Variants in CACNA2D3 observed in about 807,000 individuals in gnomAD.
The protein encoded by CACNA2D3 is calcium voltage-gated channel auxiliary subunit alpha2delta 3.
CACNA2D3 carries 60 observed loss-of-function variants against 160.6 expected under a neutral mutation model. The observed-to-expected ratio is 0.37, with a 90% CI of 0.30 to 0.46. The LOEUF (loss-of-function observed/expected upper bound fraction) is 0.46. CACNA2D3 is among the 20% of genes least tolerant of loss of function. The pLI is 1.00. For missense variants in CACNA2D3, 1,205 were observed against 1,365.0 expected, an observed-to-expected ratio of 0.88 and a Z score of 1.85; for synonymous variants, 558 against 492.9, an observed-to-expected ratio of 1.13 and a Z score of -1.75.
At chr3:54,392,157 G>A (rs1699293282) in intron 4 of CACNA2D3, among the ~76,000 whole-genome samples, 1 of 152,120 alleles carries the variant, frequency 6.6e-6, no homozygotes. Flanking sequence ...CCAATTCCAG[G>A]TGGAGAAGCA....
intron 4 of CACNA2D3, among the ~76,000 whole-genome samples, chr3:54,462,980 A>G (rs866630411): frequency 5.3e-5 from 8 of 150,130 alleles, no homozygotes; most frequent in Non-Finnish European, 8.9e-5. Flanking sequence ...GGTGGTGACA[A>G]AATCTCTCAG....
At chr3:54,478,679 T>TATATATATATATA (rs1559493334) in intron 4 of CACNA2D3, among the ~76,000 whole-genome samples, 4 of 47,794 alleles carry the variant, frequency 8.4e-5, no homozygotes, top group Admixed American at 2.0e-4. Context: ...TATATATATA[T>TATATATATATATA]TGCTTGTCAT....
intron 11 of CACNA2D3, among the ~76,000 whole-genome samples, chr3:54,691,314 C>T (rs1418808032): frequency 6.6e-6 from 1 of 152,210 alleles, no homozygotes; most frequent in Non-Finnish European, 1.5e-5. Context: ...CCAAGATATT[C>T]TGGTCAAATT....
intron 35 of CACNA2D3, among the ~76,000 whole-genome samples, chr3:55,020,477 A>T (rs899421247): frequency 6.7e-6 from 1 of 150,164 alleles, no homozygotes; most frequent in African/African-American, 2.4e-5. Context: ...CATACTTTAT[A>T]TGTAGTATAT....
chr3:54,159,512 G>A (rs949870541), intron 2 of CACNA2D3, among the ~76,000 whole-genome samples: 1 of 152,142 alleles, frequency 6.6e-6, no homozygotes, highest in African/African-American at 2.4e-5. Flanking sequence ...TATATCCTGT[G>A]GTAGAAGAGG....
chr3:54,615,152 A>G (rs1384515999), intron 9 of CACNA2D3, among the ~76,000 whole-genome samples: 1 of 152,222 alleles, frequency 6.6e-6, no homozygotes, highest in Non-Finnish European at 1.5e-5. Context: ...AAATGAAGAG[A>G]GATGATGAAA....
intron 31 of CACNA2D3, among the ~76,000 whole-genome samples, chr3:54,995,139 A>G (rs1164231746): frequency 2.0e-5 from 3 of 151,940 alleles, no homozygotes; most frequent in Non-Finnish European, 2.9e-5. Context: ...ATGCCCAGTT[A>G]ATTTCTGTAT....
chr3:54,464,260 A>G (rs1212883896), intron 4 of CACNA2D3, among the ~76,000 whole-genome samples: 2 of 152,188 alleles, frequency 1.3e-5, no homozygotes, highest in South Asian at 2.1e-4. Context: ...GCCCCTTCTC[A>G]TATCTCCAGC....
chr3:54,123,535 T>C lies in CACNA2D3; in HGVS notation c.145T>C (p.Phe49Leu). ...TAGGGTGAAGCTCTGGGCCTCGGCTTTTGGTGGGGAGATAAAATCCATTGC... is the reference window on the plus strand; with the variant it reads ...TAGGGTGAAGCTCTGGGCCTCGGCTCTTGGTGGGGAGATAAAATCCATTGC... Reference protein sequence around the residue: ...LSVVKLWASAFGGEIKSIAAK... With the variant: ...LSVVKLWASALGGEIKSIAAK... Residue 49 changes from phenylalanine to leucine, a missense_variant, in exon 2 of 38, where the codon TTT (phenylalanine) becomes CTT (leucine). By Grantham distance (22) the Phe-to-Leu change is conservative. This residue lies in a region of CACNA2D3 where 163 missense variants were observed against 161.3 expected (regional missense o/e 1.01). Coordinates refer to ENST00000474759, the MANE Select transcript of CACNA2D3 (RefSeq NM_018398.3). 1.9e-6 allele frequency: 3 copies of C among 1,613,804 alleles called. No homozygotes were observed. The highest frequency in any genetic ancestry group is 2.5e-6 in the Non-Finnish European group (3 of 1,179,790).
Position 54,240,723 on chromosome 3 carries a change from AGTTTT to A in CACNA2D3, c.205-79700_205-79696del, listed in dbSNP as rs563071238. Among the ~76,000 whole-genome samples, 10 of 151,782 alleles carry A rather than the reference AGTTTT, an allele frequency of 6.6e-5. No homozygotes were observed. In the South Asian group the frequency reaches 1.2e-3, roughly 19 times the overall value. ...AAAACTATCTAAAAATAAAGTTTGGAGTTTTGTTTTGTTTTGTTTTGTTGTTTTGA... is the reference window on the plus strand; with the variant it reads ...AAAACTATCTAAAAATAAAGTTTGGAGTTTTGTTTTGTTTTGTTGTTTTGA... On this transcript the variant is annotated intron_variant, in intron 2 of 37. Transcript: ENST00000474759.
At chr3:54,479,116 G>T (rs1223099900) in intron 4 of CACNA2D3, among the ~76,000 whole-genome samples, 1 of 151,950 alleles carries the variant, frequency 6.6e-6, no homozygotes, top group Non-Finnish European at 1.5e-5. Flanking sequence ...CTGTTCTCTT[G>T]ATAGTGAGTT....
intron 16 of CACNA2D3, among the ~76,000 whole-genome samples, chr3:54,841,753 G>A (rs571340943): frequency 6.6e-6 from 1 of 152,270 alleles, no homozygotes; most frequent in South Asian, 2.1e-4. Context: ...ATAATTTCCA[G>A]ACACCACGAC....
chr3:54,245,011 G>T (rs1192136618), intron 2 of CACNA2D3, among the ~76,000 whole-genome samples: 1 of 152,126 alleles, frequency 6.6e-6, no homozygotes, highest in Non-Finnish European at 1.5e-5. Context: ...AAAACGTGTT[G>T]GGTGGGTTAC....
chr3:54,595,313 G>GGTGTGTGTGTGT (rs71637562), intron 9 of CACNA2D3, among the ~76,000 whole-genome samples: 3 of 132,260 alleles, frequency 2.3e-5, no homozygotes, highest in African/African-American at 9.9e-5. Context: ...CTGTGTGTGT[G>GGTGTGTGTGTGT]GTGTGTGTGT....
At chr3:54,660,572 A>G (rs531186725) in intron 11 of CACNA2D3, among the ~76,000 whole-genome samples, 1 of 152,332 alleles carries the variant, frequency 6.6e-6, no homozygotes, top group South Asian at 2.1e-4. Context: ...TGGCCCTTAC[A>G]TTCTCTCTTC....
intron 2 of CACNA2D3, among the ~76,000 whole-genome samples, chr3:54,157,853 A>G (rs1393631163): frequency 6.7e-6 from 1 of 150,306 alleles, no homozygotes; most frequent in Admixed American, 6.6e-5. Flanking sequence ...AAAAAAAAAA[A>G]AAGAAATGGG....
intron 3 of CACNA2D3, among the ~76,000 whole-genome samples, chr3:54,381,852 A>G (rs1699107886): frequency 2.0e-5 from 3 of 152,218 alleles, no homozygotes; most frequent in Admixed American, 2.0e-4. Flanking sequence ...TTTCACTAAA[A>G]GGGATGAGTT....
chr3:54,980,603 C>T (rs1702485423), intron 29 of CACNA2D3, among the ~76,000 whole-genome samples: 1 of 152,148 alleles, frequency 6.6e-6, no homozygotes, highest in South Asian at 2.1e-4. Context: ...TTGGTAAAAA[C>T]CTTGGTAAGT....
intron 14 of CACNA2D3, among the ~76,000 whole-genome samples, chr3:54,832,123 G>A (rs572861285): frequency 3.3e-5 from 5 of 151,690 alleles, no homozygotes; most frequent in South Asian, 4.2e-4. Flanking sequence ...AAGGGGACAC[G>A]GCTGTCAAGC....
Sources: gnomAD v4.1 joint callset for allele counts (sites outside exome capture counted in the v4.1 genomes callset) on GRCh38, gnomAD v4.1.1 for gene constraint, gnomAD v4.1.1 regional missense constraint, MANE v1.5 for transcripts, NCBI Gene and HGNC (gene_info 2026-07-23, HGNC 2026-07-21) for gene names.